The following ARFGAP3 variants were observed in gnomAD, a reference collection of about 807,000 sequenced individuals.
ARFGAP3 encodes the protein ADP-ribosylation factor GTPase-activating protein 3.
In ARFGAP3, 72 loss-of-function variants were observed where a neutral mutation model predicts 75.0. That is an observed-to-expected ratio of 0.96 (90% CI 0.79 to 1.17). ARFGAP3 has a LOEUF of 1.17. ARFGAP3 is among the 50% of genes most tolerant of loss of function. The pLI is 0.00. For synonymous variants in ARFGAP3, 221 were observed against 217.9 expected (o/e 1.01, Z -0.13); for missense variants, 620 against 626.6 (o/e 0.99, Z 0.11).
At position 42,834,321 on chromosome 22, in the gene ARFGAP3, C is replaced by T. The variant is rs143825577; in HGVS notation, c.398G>A (p.Trp133Ter). Residue 133 changes from tryptophan to a stop codon, truncating the protein, a stop_gained, in exon 5 of 16, where the codon TGG (tryptophan) becomes TAG (stop). Transcript: ENST00000263245. LOFTEE classifies it high-confidence loss of function. The stretch of plus-strand genomic sequence containing the variant: ...AGGTGGAACCACACAACTATCAAGC[C>T]ACAGCTAGAACAAAAAAACAACACA... ...QATRKHGTDLWLDSCVVPPLS... is the reference protein window; with the variant it reads ...QATRKHGTDL The T allele has an allele frequency of 2.2e-5, 36 of 1,613,296 alleles. No individual in the cohort carries two copies. The highest frequency in any genetic ancestry group is 2.9e-5 in the Non-Finnish European group (34 of 1,179,866).
chr22:42,797,594 A>T lies in ARFGAP3; in HGVS notation c.1545T>A (p.Gly515=), dbSNP rs769636818. Residue 515 remains glycine (G), a synonymous_variant, in exon 16 of 16, where the codon GGT becomes GGA. Coordinates refer to ENST00000263245, the MANE Select transcript of ARFGAP3 (RefSeq NM_014570.5). Reference sequence around the variant, plus strand: ...ACACATCATGACTTCAGTATTAAGAACCGTAGCGATCCTGAAGAGAGAACC... The same window carrying T: ...ACACATCATGACTTCAGTATTAAGATCCGTAGCGATCCTGAAGAGAGAACC... ...GVVTSIQDRY[G]S is the part of the protein sequence containing the mutation. 11 of 1,614,036 alleles carry T rather than the reference A, an allele frequency of 6.8e-6. No individual in the cohort carries two copies. The Admixed American group carries it at 1.5e-4, about 22-fold the overall frequency.
chr22:42,822,440 G>A (rs9611920), intron 8 of ARFGAP3, 31 bp from the exon 9 acceptor site: 43,438 of 1,600,642 alleles, frequency 0.027, 695 homozygotes, highest in African/African-American at 0.041. Context: ...TAGTCTACAC[G>A]AGCTGTTTGA....
chr22:42,806,334 G>A (rs2413726), intron 14 of ARFGAP3, among the ~76,000 whole-genome samples: 65,192 of 151,720 alleles, frequency 0.43, 14,472 homozygotes, highest in Non-Finnish European at 0.48. Flanking sequence ...CAGGGGGAGG[G>A]GAAGTCGAAG....
rs772250057 is a variant in ARFGAP3, at chr22:42,817,248, C to A, written c.958G>T (p.Val320Leu). The A allele has an allele frequency of 6.2e-7, 1 of 1,609,472 alleles. No individual in the cohort carries two copies. The highest frequency in any genetic ancestry group is 1.1e-5 in the South Asian group (1 of 90,110). ...TCTATGGTCTGCATATCTGAAGTCA[C>A]TGAATGTGAAATAACACTTGAGAAA... ...GNCRSVISHS[V>L]TSDMQTIEQE... Residue 320 changes from valine to leucine, a missense_variant, in exon 11 of 16, where the codon GTG (valine) becomes TTG (leucine). Transcript: ENST00000263245.
At chr22:42,799,193 T>G in intron 14 of ARFGAP3, 33 bp from the exon 15 acceptor site, 1 of 1,608,790 alleles carries the variant, frequency 6.2e-7, no homozygotes, top group African/African-American at 1.3e-5. Flanking sequence ...GTCTCATCAC[T>G]GCCCTGGCCA....
chr22:42,840,803 T>C, intron 3 of ARFGAP3, 141 bp downstream of exon 3: 2 of 844,348 alleles, frequency 2.4e-6, no homozygotes, highest in Non-Finnish European at 3.6e-6. Flanking sequence ...CCAGTGATCC[T>C]CCCAAACGCC....
chr22:42,818,014 CT>C, intron 9 of ARFGAP3, 157 bp from the exon 10 acceptor site: 2 of 650,486 alleles, frequency 3.1e-6, no homozygotes, highest in Non-Finnish European at 1.9e-6. Flanking sequence ...TTCTACCTGC[CT>C]TTTTTGAACA....
intron 1 of ARFGAP3, among the ~76,000 whole-genome samples, chr22:42,849,989 A>G (rs1927202897): frequency 6.6e-6 from 1 of 152,196 alleles, no homozygotes; most frequent in Admixed American, 6.5e-5. Context: ...TACCCATGGT[A>G]AGCATTCAGT....
Position 42,826,947 on chromosome 22 carries a change from AG to A in ARFGAP3, c.617del (p.Ala206ValfsTer3). 6.2e-7 allele frequency: 1 copy of A among 1,613,184 alleles called. No homozygotes were observed. Among genetic ancestry groups the A allele is most frequent in the Non-Finnish European group, 8.5e-7 (1 of 1,179,652 alleles). ...SVEGLNVPTK[A>X]TLEVSSIIKK... ...GGATTTTAAGCATATTACCTAAAGT[AG>A]CCTTTGTTGGTACATTAAGACCTTC... On this transcript the variant is annotated frameshift_variant, in exon 7 of 16. Transcript: ENST00000263245. LOFTEE classifies it high-confidence loss of function.
intron 6 of ARFGAP3, chr22:42,827,241 C>T (rs117359167): frequency 1.2e-5 from 3 of 254,468 alleles, no homozygotes; most frequent in Non-Finnish European, 1.8e-5. Flanking sequence ...GTCTCTTCAA[C>T]TAATACGATT....
intron 1 of ARFGAP3, among the ~76,000 whole-genome samples, chr22:42,852,562 T>C (rs752027085): frequency 2.6e-5 from 4 of 152,166 alleles, no homozygotes; most frequent in Non-Finnish European, 5.9e-5. Flanking sequence ...GGTTTCACCA[T>C]GTTGCCCAGG....
chr22:42,811,630 T>C (rs1028182657), intron 11 of ARFGAP3, among the ~76,000 whole-genome samples: 8 of 152,250 alleles, frequency 5.3e-5, no homozygotes, highest in African/African-American at 1.2e-4. Context: ...ATTCTGGGGA[T>C]AGTCTTTCAG....
At chr22:42,815,583 T>C (rs549387043) in intron 11 of ARFGAP3, among the ~76,000 whole-genome samples, 133 of 152,324 alleles carry the variant, frequency 8.7e-4, no homozygotes, top group Non-Finnish European at 1.1e-3. Context: ...CTGTTCTATA[T>C]ATGAAGTGCA....
intron 6 of ARFGAP3, among the ~76,000 whole-genome samples, chr22:42,829,239 C>T (rs1428172447): frequency 2.0e-5 from 3 of 152,102 alleles, no homozygotes; most frequent in East Asian, 1.9e-4. Context: ...AACTAAGAAA[C>T]GCAGTAATTT....
At chr22:42,797,683 C>A in intron 15 of ARFGAP3, 78 bp from the exon 16 acceptor site, 1 of 1,613,452 alleles carries the variant, frequency 6.2e-7, no homozygotes, top group Admixed American at 1.7e-5. Context: ...TATTCAGCAT[C>A]ACCCAAATTG....
intron 2 of ARFGAP3, among the ~76,000 whole-genome samples, chr22:42,845,272 C>T (rs1334503734): frequency 6.7e-6 from 1 of 149,104 alleles, no homozygotes; most frequent in African/African-American, 2.4e-5. Flanking sequence ...CCGGGGTAAT[C>T]CCAGCACTTT....
rs1926940118 is a variant in ARFGAP3 at position 42,844,785 on chromosome 22, T to C, written c.188+2729A>G. 5.9e-5 allele frequency among the ~76,000 whole-genome samples: 9 copies of C among 152,292 alleles called. No individual in the cohort carries two copies. The South Asian group carries it at 1.7e-3, about 28-fold the overall frequency. ...TAACAACAAAAACAATACTGAGTAC[T>C]TTCTCATCCTTGACTTTTTCTTGCC... On this transcript the variant is annotated intron_variant, in intron 2 of 15. Transcript: ENST00000263245.
chr22:42,819,893 G>A (rs545881073), intron 9 of ARFGAP3, among the ~76,000 whole-genome samples: 1 of 152,332 alleles, frequency 6.6e-6, no homozygotes, highest in Non-Finnish European at 1.5e-5. Flanking sequence ...TGGTTGTTCT[G>A]AACAAGGCCA....
chr22:42,841,587 A>G (rs1397665783), intron 2 of ARFGAP3, among the ~76,000 whole-genome samples: 1 of 152,200 alleles, frequency 6.6e-6, no homozygotes, highest in South Asian at 2.1e-4. Flanking sequence ...TGAAACAAGT[A>G]AAGGCAGTGA....
Sources: allele counts gnomAD v4.1 joint callset (sites outside exome capture counted in the v4.1 genomes callset), GRCh38; gene constraint gnomAD v4.1.1; transcripts MANE v1.5; gene names NCBI Gene and HGNC (gene_info 2026-07-23, HGNC 2026-07-21).